The following RSF1 variants were observed in gnomAD, a reference collection of about 807,000 sequenced individuals.
RSF1 encodes HBV pX-associated protein 8.
RSF1 carries 13 observed loss-of-function variants against 145.2 expected under a neutral mutation model. That is an observed-to-expected ratio of 0.09 (90% CI 0.06 to 0.14). The LOEUF is 0.14. Among genes scored for constraint, RSF1 ranks in the 10% least tolerant of loss-of-function variants. The pLI is 1.00. For synonymous variants in RSF1, 577 were observed against 592.6 expected, an observed-to-expected ratio of 0.97 and a Z score of 0.38; for missense variants, 1,517 against 1,718.2, an observed-to-expected ratio of 0.88 and a Z score of 2.07.
At chr11:77,737,876 T>C (rs1274148281) in intron 4 of RSF1, among the ~76,000 whole-genome samples, 1 of 152,212 alleles carries the variant, frequency 6.6e-6, no homozygotes, top group Non-Finnish European at 1.5e-5. Flanking sequence ...ACGCCTGTAA[T>C]CCCAGCACTT....
At chr11:77,753,501 T>C (rs1948085208) in intron 2 of RSF1, among the ~76,000 whole-genome samples, 1 of 152,216 alleles carries the variant, frequency 6.6e-6, no homozygotes, top group African/African-American at 2.4e-5. Flanking sequence ...GTGTGCAAAC[T>C]TGTCCAACGC....
chr11:77,749,382 C>A (rs1357911790), intron 2 of RSF1, among the ~76,000 whole-genome samples: 2 of 152,098 alleles, frequency 1.3e-5, no homozygotes, highest in African/African-American at 4.8e-5. Flanking sequence ...CTGAATGAAG[C>A]ACTTATTGAG....
intron 11 of RSF1, 118 bp downstream of exon 11, chr11:77,683,592 G>A: frequency 1.7e-6 from 1 of 578,014 alleles, no homozygotes; most frequent in Admixed American, 3.3e-5. Flanking sequence ...TGGAAGGCAA[G>A]AAATATATAT....
chr11:77,842,747 T>A, the RSF1 span: 1 of 1,377,148 alleles, frequency 7.3e-7, no homozygotes, highest in Non-Finnish European at 9.9e-7. Context: ...ATATAATTCA[T>A]ATACCATTAA....
rs1482317028 is a variant in RSF1 at position 77,710,396 on chromosome 11, ATAGT to A, written c.734-7905_734-7902del. On this transcript the variant is annotated intron_variant, in intron 5 of 15. Coordinates refer to ENST00000308488, the MANE Select transcript of RSF1 (RefSeq NM_016578.4). Reference sequence around the variant, plus strand: ...CTTGAACTTATTCCTTATTTTGTTGATAGTTTAGTTTTACAAGTTTATTTTCTTT... The same window carrying A: ...CTTGAACTTATTCCTTATTTTGTTGATTAGTTTTACAAGTTTATTTTCTTT... 1.3e-3 allele frequency among the ~76,000 whole-genome samples: 203 copies of A among 152,198 alleles called. 3 individuals carry two copies. The highest frequency in any genetic ancestry group is 1.9e-4 in the Non-Finnish European group (13 of 67,994).
At chr11:77,697,324 TA>T (rs1352660138) in intron 7 of RSF1, among the ~76,000 whole-genome samples, 2 of 151,634 alleles carry the variant, frequency 1.3e-5, no homozygotes, top group Non-Finnish European at 2.9e-5. Flanking sequence ...TTCTTCTACT[TA>T]ATAGCTGGAG....
chr11:77,708,468 A>G (rs1221992995), intron 5 of RSF1, among the ~76,000 whole-genome samples: 1 of 152,146 alleles, frequency 6.6e-6, no homozygotes, highest in African/African-American at 2.4e-5. Flanking sequence ...AGTGATGTCT[A>G]TTTTAAGCTA....
At chr11:77,676,046 A>C (rs1590823483) in intron 13 of RSF1, among the ~76,000 whole-genome samples, 1 of 152,182 alleles carries the variant, frequency 6.6e-6, no homozygotes, top group South Asian at 2.1e-4. Context: ...GGAGTTTCCC[A>C]AACATTCTAT....
chr11:77,813,844 C>CAA, intron 1 of RSF1: 1 of 204,960 alleles, frequency 4.9e-6, no homozygotes, highest in South Asian at 8.8e-5. Flanking sequence ...CACACACACA[C>CAA]ACACACACAC....
intron 1 of RSF1, chr11:77,813,473 G>C: frequency 9.6e-7 from 1 of 1,039,710 alleles, no homozygotes; most frequent in Non-Finnish European, 1.5e-6. Context: ...TCACCACAAG[G>C]ACTTTTTCTG....
chr11:77,835,716 T>G, the RSF1 span, among the ~76,000 whole-genome samples: 1 of 151,806 alleles, frequency 6.6e-6, no homozygotes, highest in Non-Finnish European at 1.5e-5. Flanking sequence ...ATCAGGAATT[T>G]GAGACCAGCC....
At chr11:77,788,835 A>C (rs1488433998) in intron 1 of RSF1, among the ~76,000 whole-genome samples, 1 of 152,176 alleles carries the variant, frequency 6.6e-6, no homozygotes, top group Admixed American at 6.5e-5. Context: ...TACTAAGAAC[A>C]ACCAAAATAG....
At chr11:77,690,074 A>C (rs1960110913) in intron 9 of RSF1, among the ~76,000 whole-genome samples, 2 of 151,446 alleles carry the variant, frequency 1.3e-5, no homozygotes, top group East Asian at 3.9e-4. Context: ...AGGCAAAAAA[A>C]TCACTTGAAC....
At chr11:77,811,297 G>A (rs1948728659) in intron 1 of RSF1, among the ~76,000 whole-genome samples, 1 of 152,132 alleles carries the variant, frequency 6.6e-6, no homozygotes, top group East Asian at 1.9e-4. Flanking sequence ...AGTAAGTTGA[G>A]GAAAACTATT....
intron 5 of RSF1, among the ~76,000 whole-genome samples, chr11:77,705,025 A>G (rs1960513443): frequency 6.6e-6 from 1 of 152,188 alleles, no homozygotes; most frequent in African/African-American, 2.4e-5. Context: ...TGCTGGGATT[A>G]CAGGTGTGAG....
intron 4 of RSF1, among the ~76,000 whole-genome samples, chr11:77,729,128 A>C (rs906244135): frequency 1.3e-5 from 2 of 152,164 alleles, no homozygotes; most frequent in East Asian, 3.8e-4. Flanking sequence ...CACCTGATGG[A>C]ATCTGGTATA....
At chr11:77,819,734 T>C (rs1211969449) in intron 1 of RSF1, among the ~76,000 whole-genome samples, 1 of 151,710 alleles carries the variant, frequency 6.6e-6, no homozygotes, top group Non-Finnish European at 1.5e-5. Flanking sequence ...GGGAAGGGAT[T>C]GGAAAAGTGG....
At chr11:77,798,896 T>C (rs191631276) in intron 1 of RSF1, among the ~76,000 whole-genome samples, 22 of 150,516 alleles carry the variant, frequency 1.5e-4, no homozygotes, top group Admixed American at 1.3e-3. Context: ...GACGGGTTGA[T>C]GGCACGTGTA....
chr11:77,778,103 G>A (rs1406698312), intron 1 of RSF1, among the ~76,000 whole-genome samples: 1 of 2,664 alleles, frequency 3.8e-4, no homozygotes, highest in Non-Finnish European at 7.2e-4. Context: ...CCTGTCTTGG[G>A]AAGGGGAGGG....
Sources: gnomAD v4.1 joint callset for allele counts (sites outside exome capture counted in the v4.1 genomes callset) on GRCh38, gnomAD v4.1.1 for gene constraint, MANE v1.5 for transcripts, NCBI Gene and HGNC (gene_info 2026-07-23, HGNC 2026-07-21) for gene names.